Variants in MARCO observed in about 807,000 individuals in gnomAD.
The protein encoded by MARCO is macrophage receptor with collagenous structure.
A neutral mutation model predicts 70.0 loss-of-function variants in MARCO; 72 were observed. The ratio of observed to expected loss-of-function variants is 1.03; its 90% CI spans 0.85 to 1.25. The LOEUF is 1.25. Among genes scored for constraint, MARCO ranks in the 50% most tolerant of loss-of-function variants. The pLI is 0.00. For synonymous variants in MARCO, 273 were observed against 243.1 expected, an observed-to-expected ratio of 1.12 and a Z score of -1.14; for missense variants, 696 against 659.3, an observed-to-expected ratio of 1.06 and a Z score of -0.61.
chr2:118,962,706 T>A (rs1454319322), intron 1 of MARCO, among the ~76,000 whole-genome samples: 1 of 152,128 alleles, frequency 6.6e-6, no homozygotes. Context: ...TTTAAATGTT[T>A]ATTACGATAT....
chr2:118,944,161 G>A (rs1380064533), intron 1 of MARCO, among the ~76,000 whole-genome samples: 2 of 152,132 alleles, frequency 1.3e-5, no homozygotes, highest in Non-Finnish European at 2.9e-5. Context: ...GCCAGTGCAG[G>A]AGGATTCCTT....
chr2:118,946,811 C>A (rs1349253268), intron 1 of MARCO, among the ~76,000 whole-genome samples: 1 of 152,216 alleles, frequency 6.6e-6, no homozygotes, highest in Non-Finnish European at 1.5e-5. Context: ...TTTTCTGCAA[C>A]CTCGTCAACA....
chr2:118,982,147 T>C lies in MARCO; in HGVS notation c.902-9T>C, dbSNP rs1428431927. 1 of 1,601,470 alleles carries C rather than the reference T, an allele frequency of 6.2e-7. No homozygotes were observed. The highest frequency in any genetic ancestry group is 1.7e-5 in the Admixed American group (1 of 59,618). ...CACCACAGCCTGGCAGTCACTACTT[T>C]CCTTTCAGGACAACCTGGACTGCAG... On this transcript the variant is annotated splice_polypyrimidine_tract_variant and intron_variant, in intron 10 of 16. Transcript: ENST00000327097.
At chr2:118,984,701 G>A (rs1236663177) in intron 12 of MARCO, among the ~76,000 whole-genome samples, 10 of 152,288 alleles carry the variant, frequency 6.6e-5, no homozygotes, top group African/African-American at 1.2e-4. Flanking sequence ...ATAAACTTCC[G>A]GAGAGATTAG....
chr2:118,979,576 C>T (rs1486410286), intron 8 of MARCO, among the ~76,000 whole-genome samples: 1 of 152,154 alleles, frequency 6.6e-6, no homozygotes, highest in East Asian at 1.9e-4. Flanking sequence ...GGTCTTTGCC[C>T]ACTGAGTCTG....
chr2:118,974,924 CCT>C (rs1680252139), intron 6 of MARCO, among the ~76,000 whole-genome samples: 1 of 152,180 alleles, frequency 6.6e-6, no homozygotes, highest in Non-Finnish European at 1.5e-5. Context: ...GGCACATGCA[CCT>C]CCACCTTGGA....
At chr2:118,985,935 A>C (rs980091111) in intron 12 of MARCO, among the ~76,000 whole-genome samples, 2 of 152,146 alleles carry the variant, frequency 1.3e-5, no homozygotes, top group African/African-American at 2.4e-5. Flanking sequence ...ATAACTCAAA[A>C]TCCATTTTCT....
At chr2:118,976,144 C>G (rs1458815140) in intron 6 of MARCO, among the ~76,000 whole-genome samples, 1 of 152,200 alleles carries the variant, frequency 6.6e-6, no homozygotes, top group Non-Finnish European at 1.5e-5. Context: ...CTCCCCTTCT[C>G]TTTAGGACTC....
chr2:118,942,254 A>C lies in MARCO; in HGVS notation c.-47A>C, dbSNP rs757615815. On this transcript the variant is annotated 5_prime_UTR_variant, in exon 1 of 17. Coordinates refer to ENST00000327097, the MANE Select transcript of MARCO (RefSeq NM_006770.4). Reference sequence around the variant, plus strand: ...TCTCCAAGTGGTTCCTCTTGAGGGGAGCATTTCTGCTGGCTCCAGGACTTT... The same window carrying C: ...TCTCCAAGTGGTTCCTCTTGAGGGGCGCATTTCTGCTGGCTCCAGGACTTT... The C allele has an allele frequency of 5.5e-6, 7 of 1,274,498 alleles. No homozygotes were observed. In the Admixed American group the frequency reaches 1.2e-4, roughly 22 times the overall value. 78.9% of individuals were successfully genotyped at this position (1,274,498 alleles called of 1,614,324 possible). A position where few individuals can be genotyped will look rare whatever the true frequency, so the allele number is the denominator to read the frequency against.
chr2:118,963,853 G>T (rs1463541948), intron 1 of MARCO, among the ~76,000 whole-genome samples: 1 of 152,096 alleles, frequency 6.6e-6, no homozygotes, highest in Non-Finnish European at 1.5e-5. Context: ...TATACCGAAA[G>T]TAATTATTGA....
chr2:118,974,258 C>A, intron 4 of MARCO, 75 bp from the exon 5 acceptor site: 1 of 859,356 alleles, frequency 1.2e-6, no homozygotes, highest in Non-Finnish European at 1.9e-6. Context: ...AATGAATCAC[C>A]ATGTAAGTGA....
intron 1 of MARCO, chr2:118,949,599 G>A (rs188504467): frequency 2.2e-4 from 34 of 151,630 alleles, no homozygotes; most frequent in African/African-American, 7.5e-4. Flanking sequence ...GTTGCTGGTG[G>A]TAGGAATAGT....
intron 4 of MARCO, among the ~76,000 whole-genome samples, chr2:118,973,246 AT>A (rs1680209585): frequency 6.6e-6 from 1 of 151,112 alleles, no homozygotes; most frequent in African/African-American, 2.4e-5. Context: ...ATATAGATGT[AT>A]GTACATAGAG....
chr2:118,992,991 G>C (rs1001659135), intron 15 of MARCO, 133 bp from the exon 16 acceptor site: 1 of 819,892 alleles, frequency 1.2e-6, no homozygotes, highest in South Asian at 1.8e-5. Flanking sequence ...GATCTTCCAG[G>C]CTCTGGTGAC....
At chr2:118,992,317 C>T in intron 14 of MARCO, 115 bp from the exon 15 acceptor site, 1 of 783,854 alleles carries the variant, frequency 1.3e-6, no homozygotes, top group Non-Finnish European at 2.2e-6. Flanking sequence ...CAGGCGAGAC[C>T]CACGGAGCAT....
chr2:118,985,984 A>T (rs1680475956), intron 12 of MARCO, among the ~76,000 whole-genome samples: 1 of 152,220 alleles, frequency 6.6e-6, no homozygotes, highest in Non-Finnish European at 1.5e-5. Flanking sequence ...AAGATAAGCC[A>T]AAAAGATCAT....
intron 1 of MARCO, among the ~76,000 whole-genome samples, chr2:118,957,559 G>C (rs919382131): frequency 6.6e-6 from 1 of 152,000 alleles, no homozygotes; most frequent in Non-Finnish European, 1.5e-5. Flanking sequence ...ATTCACAGCA[G>C]AATTCTATCA....
Position 118,977,865 on chromosome 2 carries a change from C to T in MARCO, c.696C>T (p.Gly232=), listed in dbSNP as rs372497322. Residue 232 remains glycine (G), a synonymous_variant, in exon 8 of 17, where the codon GGC becomes GGT. Coordinates refer to ENST00000327097, the MANE Select transcript of MARCO (RefSeq NM_006770.4). ...PGPQGEKGSK[G]DGGLIGPKGE... ...CCCAAGGAGAGAAGGGCAGCAAAGG[C>T]GATGGGGGTCTCATTGGCCCAAAAG... 20 of 1,612,860 alleles carry T rather than the reference C, an allele frequency of 1.2e-5. No homozygotes were observed. The highest frequency in any genetic ancestry group is 4.0e-5 in the African/African-American group (3 of 74,862).
rs1680651367 is a variant in MARCO at position 118,993,025 on chromosome 2, C to T, written c.1253-99C>T. 3.6e-6 allele frequency: 4 copies of T among 1,097,346 alleles called. 1 individual carries two copies. Among genetic ancestry groups the T allele is most frequent in the Non-Finnish European group, 5.3e-6 (4 of 749,456 alleles). 68.0% of individuals were successfully genotyped at this position (1,097,346 alleles called of 1,614,324 possible). On this transcript the variant is annotated intron_variant, in intron 15 of 16. Transcript: ENST00000327097. ...ACAGTCAAGCAGGGGCATTTCTTTT[C>T]CTTAACTGTAGAACTCCAAAATGAA...
Sources: gnomAD v4.1 joint callset for allele counts (sites outside exome capture counted in the v4.1 genomes callset) on GRCh38, gnomAD v4.1.1 for gene constraint, MANE v1.5 for transcripts, NCBI Gene and HGNC (gene_info 2026-07-23, HGNC 2026-07-21) for gene names.